ARSG: variants seen among roughly 807,000 people sequenced by gnomAD.
ARSG encodes the protein ASG.
Under a neutral mutation model 50.5 loss-of-function variants are expected in ARSG, and 37 were observed. The observed-to-expected ratio is 0.73, with a 90% CI of 0.56 to 0.96. The LOEUF is 0.96. ARSG is among the 50% of genes least tolerant of loss of function. The pLI is 0.00. For missense variants in ARSG, 629 were observed against 675.3 expected (o/e 0.93, Z 0.76); for synonymous variants, 225 against 254.6 (o/e 0.88, Z 1.11).
intron 8 of ARSG, 71 bp from the exon 9 acceptor site, chr17:68,384,993 C>G (rs995760749): frequency 7.7e-7 from 1 of 1,302,890 alleles, no homozygotes. Context: ...CTCCCAGAGA[C>G]TAGCTCTTAG....
downstream of ARSG, chr17:68,426,254 G>GGGGCCCC: frequency 1.2e-6 from 1 of 816,920 alleles, no homozygotes; most frequent in Non-Finnish European, 1.9e-6. Flanking sequence ...GGGAGCGGGG[G>GGGGCCCC]CTCAAATAAA....
At chr17:68,415,471 C>G (rs1046976571) in intron 11 of ARSG, among the ~76,000 whole-genome samples, 6 of 152,190 alleles carry the variant, frequency 3.9e-5, no homozygotes, top group Admixed American at 1.3e-4. Flanking sequence ...GTTCCATGCA[C>G]TACTGAATAG....
chr17:68,356,298 C>T (rs1196510843), intron 5 of ARSG, among the ~76,000 whole-genome samples: 1 of 152,178 alleles, frequency 6.6e-6, no homozygotes, highest in East Asian at 1.9e-4. Flanking sequence ...AGTGAGACAG[C>T]AGAGAAAGCC....
At chr17:68,351,136 A>C (rs2078742942) in intron 4 of ARSG, among the ~76,000 whole-genome samples, 2 of 151,674 alleles carry the variant, frequency 1.3e-5, no homozygotes, top group African/African-American at 4.8e-5. Flanking sequence ...TCACATGAAA[A>C]GTCTCTTGAA....
chr17:68,271,145 C>A lies in ARSG; in HGVS notation c.-552+11719C>A. ...GCTCCGATCCTTCCGAAAACTTCTG[C>A]AATGGCCATCGTAGATAATAAAAAA... On this transcript the variant is annotated intron_variant, in intron 1 of 11. Transcript: ENST00000448504. The surrounding 1 kb of genome is among the most constrained non-coding windows in gnomAD (Gnocchi z 5.3). 2 of 1,614,166 alleles carry A rather than the reference C, an allele frequency of 1.2e-6. No homozygotes were observed. Among genetic ancestry groups the A allele is most frequent in the Non-Finnish European group, 1.7e-6 (2 of 1,180,044 alleles).
At chr17:68,289,154 C>T (rs1448462448), upstream of ARSG, among the ~76,000 whole-genome samples, 2 of 151,994 alleles carry the variant, frequency 1.3e-5, no homozygotes, top group Admixed American at 6.6e-5. Context: ...GAGACCAACC[C>T]GGGCAACATA....
Position 68,348,627 on chromosome 17 carries a change from G to A in ARSG, c.454+1455G>A, listed in dbSNP as rs557695439. ...GGCTAGAGTGCAGTGGCATGATCTC[G>A]GCTCACTGCAACCTCCGCCTCCCAG... On this transcript the variant is annotated intron_variant, in intron 4 of 11. Coordinates refer to ENST00000621439, the MANE Select transcript of ARSG (RefSeq NM_001267727.2). Among the ~76,000 whole-genome samples, 10 of 152,098 alleles carry A rather than the reference G, an allele frequency of 6.6e-5. No homozygotes were observed. The South Asian group carries it at 1.9e-3, about 28-fold the overall frequency.
At chr17:68,426,244 G>GC (rs1555798458), downstream of ARSG, 192 of 985,568 alleles carry the variant, frequency 1.9e-4, 6 homozygotes, top group Non-Finnish European at 2.5e-4. Context: ...CTGGCGGGTG[G>GC]GGAGCGGGGG....
chr17:68,384,451 A>G (rs942903459), intron 8 of ARSG, among the ~76,000 whole-genome samples: 4 of 152,198 alleles, frequency 2.6e-5, no homozygotes, highest in Non-Finnish European at 4.4e-5. Flanking sequence ...CCAGGAGGCA[A>G]GAGGTTGGAA....
At chr17:68,429,029 C>G in the ARSG span, 1 of 923,078 alleles carries the variant, frequency 1.1e-6, no homozygotes, top group Non-Finnish European at 1.7e-6. Flanking sequence ...CTAGCTGTCA[C>G]CAGATTCTGC....
At chr17:68,436,591 G>A in the ARSG span, 8 of 948,626 alleles carry the variant, frequency 8.4e-6, no homozygotes, top group Middle Eastern at 2.2e-4. Context: ...GGCAAGGGGA[G>A]GAATGGCTTT....
At chr17:68,350,641 C>T (rs373547686) in intron 4 of ARSG, among the ~76,000 whole-genome samples, 22 of 151,988 alleles carry the variant, frequency 1.4e-4, no homozygotes, top group Non-Finnish European at 2.4e-4. Context: ...AAAAATTAGC[C>T]GGGCGTGGTG....
chr17:68,401,624 TC>T (rs1198260253), intron 11 of ARSG, among the ~76,000 whole-genome samples, 174 bp downstream of exon 11: 1 of 152,214 alleles, frequency 6.6e-6, no homozygotes, highest in East Asian at 1.9e-4. Context: ...GCTCTCTGGA[TC>T]CCTCATATGC....
intron 1 of ARSG, among the ~76,000 whole-genome samples, chr17:68,293,554 T>G (rs1399019608): frequency 3.3e-5 from 5 of 152,080 alleles, no homozygotes; most frequent in African/African-American, 1.2e-4. Context: ...TTCTTATATT[T>G]TATTAATATT....
chr17:68,271,757 A>C lies in ARSG; in HGVS notation c.-552+12331A>C, dbSNP rs2075347252. 3 of 845,594 alleles carry C rather than the reference A, an allele frequency of 3.5e-6. No individual in the cohort carries two copies. Among genetic ancestry groups the C allele is most frequent in the East Asian group, 2.6e-5 (1 of 37,750 alleles). The allele number at this position is 845,594 out of a possible 1,614,324, so 52.4% of individuals were successfully genotyped here. A position where few individuals can be genotyped will look rare whatever the true frequency, so the allele number is the denominator to read the frequency against. On this transcript the variant is annotated intron_variant, in intron 1 of 11. Coordinates refer to the ARSG transcript ENST00000448504. The surrounding 1 kb of genome is among the most constrained non-coding windows in gnomAD (Gnocchi z 5.3). ...AAATATGGATCCAGATTTTGTTATA[A>C]GTTCTGTGGAAATTTATTATACTCA...
intron 8 of ARSG, among the ~76,000 whole-genome samples, chr17:68,374,068 A>C (rs1724584744): frequency 2.0e-5 from 3 of 151,210 alleles, no homozygotes; most frequent in African/African-American, 4.9e-5. Context: ...GAGGCAGGAG[A>C]ATGGTGTGAA....
chr17:68,432,537 C>T, the ARSG span, among the ~76,000 whole-genome samples: 12 of 152,120 alleles, frequency 7.9e-5, no homozygotes, highest in South Asian at 1.0e-3. Context: ...TCATGAGGTC[C>T]GCATGTGTCA....
intron 2 of ARSG, among the ~76,000 whole-genome samples, chr17:68,311,189 C>A (rs898341747): frequency 6.6e-6 from 1 of 152,196 alleles, no homozygotes; most frequent in Non-Finnish European, 1.5e-5. Flanking sequence ...AAACCCCAAA[C>A]TGATTTCTTC....
At chr17:68,371,489 C>T (rs972889097) in intron 8 of ARSG, among the ~76,000 whole-genome samples, 3 of 152,164 alleles carry the variant, frequency 2.0e-5, no homozygotes, top group Non-Finnish European at 4.4e-5. Flanking sequence ...TCAACATCTT[C>T]CAACTTCCAA....
Sources: allele counts gnomAD v4.1 joint callset (sites outside exome capture counted in the v4.1 genomes callset), GRCh38; gene constraint gnomAD v4.1.1; non-coding constraint Gnocchi (gnomAD v3.1); transcripts MANE v1.5; gene names NCBI Gene and HGNC (gene_info 2026-07-23, HGNC 2026-07-21).